Variants in LUZP2 observed in about 807,000 individuals in gnomAD.
The protein encoded by LUZP2 is leucine zipper protein 2.
Under a neutral mutation model 51.6 loss-of-function variants are expected in LUZP2, and 52 were observed. That is an observed-to-expected ratio of 1.01 (90% CI 0.81 to 1.27). The LOEUF is 1.27. Ranked by LOEUF, LUZP2 falls within the 50% of genes most tolerant of loss-of-function variation. The pLI is 0.00. For synonymous variants in LUZP2, 154 were observed against 137.3 expected (o/e 1.12, Z -0.85); for missense variants, 436 against 395.4 (o/e 1.10, Z -0.87).
At chr11:25,003,894 G>T (rs746876171) in intron 9 of LUZP2, among the ~76,000 whole-genome samples, 2 of 152,146 alleles carry the variant, frequency 1.3e-5, no homozygotes, top group Non-Finnish European at 2.9e-5. Context: ...AACAAGAAAG[G>T]CATGTGAAAA....
chr11:24,643,656 G>A (rs763659075), intron 1 of LUZP2, among the ~76,000 whole-genome samples: 6 of 151,968 alleles, frequency 3.9e-5, no homozygotes, highest in African/African-American at 1.2e-4. Flanking sequence ...AAATTATCCC[G>A]AACAACCCCA....
chr11:24,562,154 ACAGAGTAGGTAC>A (rs1327531490), intron 1 of LUZP2, among the ~76,000 whole-genome samples: 3 of 152,144 alleles, frequency 2.0e-5, no homozygotes, highest in Non-Finnish European at 4.4e-5. Context: ...ACACAGAGTA[ACAGAGTAGGTAC>A]CAGAAAAAAT....
intron 7 of LUZP2, among the ~76,000 whole-genome samples, chr11:24,963,909 C>G (rs1292929232): frequency 6.6e-6 from 1 of 152,156 alleles, no homozygotes; most frequent in Non-Finnish European, 1.5e-5. Context: ...GCCATCTTGG[C>G]TCCTCCCCTC....
chr11:25,068,092 A>T (rs771415532), intron 10 of LUZP2, among the ~76,000 whole-genome samples: 10 of 152,004 alleles, frequency 6.6e-5, no homozygotes, highest in Non-Finnish European at 1.5e-4. Flanking sequence ...ACATGTTCTC[A>T]CTCATAAGTG....
At chr11:25,046,893 G>C (rs1338747924) in intron 9 of LUZP2, among the ~76,000 whole-genome samples, 3 of 152,158 alleles carry the variant, frequency 2.0e-5, no homozygotes, top group African/African-American at 7.2e-5. Context: ...AATTGTGACT[G>C]TGTAAGATAT....
chr11:24,774,362 C>CTCTATATATA (rs776739280), intron 5 of LUZP2, among the ~76,000 whole-genome samples: 53 of 76,330 alleles, frequency 6.9e-4, no homozygotes, highest in African/African-American at 2.9e-3. Context: ...CTCTCTCTCT[C>CTCTATATATA]TATATATATA....
intron 9 of LUZP2, among the ~76,000 whole-genome samples, chr11:25,008,589 G>A (rs1354327127): frequency 1.3e-5 from 2 of 152,180 alleles, no homozygotes; most frequent in African/African-American, 4.8e-5. Context: ...TCAGCAAGTG[G>A]GAGGGAGGGT....
chr11:24,830,094 A>G (rs1295286526), intron 5 of LUZP2, among the ~76,000 whole-genome samples: 1 of 95,232 alleles, frequency 1.1e-5, no homozygotes, highest in Non-Finnish European at 2.2e-5. Flanking sequence ...TAATTGAAAT[A>G]CAAATTTTGT....
In LUZP2 at chr11:24,729,636, C is replaced by T. The variant is rs375352355; in HGVS notation, c.180+350C>T. 5.9e-5 allele frequency among the ~76,000 whole-genome samples: 9 copies of T among 151,858 alleles called. No individual in the cohort carries two copies. The East Asian group carries it at 1.2e-3, about 20-fold the overall frequency. On this transcript the variant is annotated intron_variant, in intron 2 of 11. Transcript: ENST00000336930. ...CTCCTAGAAGAGAATTTTAAATTCC[C>T]CACGGGATAATTCTTAAGATTCTTT...
chr11:24,822,435 G>A (rs1454773369), intron 5 of LUZP2, among the ~76,000 whole-genome samples: 2 of 152,120 alleles, frequency 1.3e-5, no homozygotes, highest in Non-Finnish European at 2.9e-5. Context: ...GTGTGTGGGT[G>A]TGGGTGTGTG....
intron 1 of LUZP2, among the ~76,000 whole-genome samples, chr11:24,517,418 G>T (rs1429262900): frequency 2.2e-5 from 3 of 136,656 alleles, no homozygotes; most frequent in Admixed American, 1.7e-4. Context: ...CCTGGGAGGC[G>T]GAGCTTGCAG....
intron 1 of LUZP2, among the ~76,000 whole-genome samples, chr11:24,663,172 T>C (rs949063817): frequency 6.6e-6 from 1 of 152,164 alleles, no homozygotes; most frequent in African/African-American, 2.4e-5. Flanking sequence ...CCTGCCAAAA[T>C]GTCATGTTAA....
At chr11:24,835,536 T>C (rs992867645) in intron 5 of LUZP2, among the ~76,000 whole-genome samples, 1 of 151,908 alleles carries the variant, frequency 6.6e-6, no homozygotes, top group Non-Finnish European at 1.5e-5. Flanking sequence ...TACAGAAAAG[T>C]TGGATTCTTT....
intron 5 of LUZP2, among the ~76,000 whole-genome samples, chr11:24,871,928 T>C (rs1380877864): frequency 6.6e-6 from 1 of 152,090 alleles, no homozygotes; most frequent in Non-Finnish European, 1.5e-5. Context: ...AGATTACCTT[T>C]CCAATTGTAA....
chr11:24,500,277 G>A (rs997870508), intron 1 of LUZP2, among the ~76,000 whole-genome samples: 15 of 152,062 alleles, frequency 9.9e-5, no homozygotes, highest in African/African-American at 3.6e-4. Context: ...TAATGTCCTG[G>A]CATATGGTCT....
Position 25,081,682 on chromosome 11 carries a change from A to T in LUZP2, c.*3024A>T, listed in dbSNP as rs1172379212. ...AACTAAATAAACAGACGTTGTTTTAAAGGAATTAACACTTAAATCCCAACC... is the reference window on the plus strand; with the variant it reads ...AACTAAATAAACAGACGTTGTTTTATAGGAATTAACACTTAAATCCCAACC... On this transcript the variant is annotated 3_prime_UTR_variant, in exon 12 of 12. Transcript: ENST00000336930. 6.6e-6 allele frequency: 1 copy of T among 152,178 alleles called. No individual in the cohort carries two copies. Among genetic ancestry groups the T allele is most frequent in the Non-Finnish European group, 1.5e-5 (1 of 68,022 alleles). The allele number at this position is 152,178 out of a possible 1,614,324, so 9.4% of individuals were successfully genotyped here. A position where few individuals can be genotyped will look rare whatever the true frequency, so the allele number is the denominator to read the frequency against.
chr11:24,584,644 G>A (rs1852995231), intron 1 of LUZP2, among the ~76,000 whole-genome samples: 1 of 152,084 alleles, frequency 6.6e-6, no homozygotes, highest in African/African-American at 2.4e-5. Flanking sequence ...GTAATTTACT[G>A]TGCTCTGGCA....
intron 1 of LUZP2, among the ~76,000 whole-genome samples, chr11:24,574,628 A>G (rs1024164048): frequency 5.9e-5 from 9 of 152,056 alleles, no homozygotes; most frequent in African/African-American, 2.2e-4. Flanking sequence ...AAAGACAGGC[A>G]TTTCTTGAGC....
intron 9 of LUZP2, among the ~76,000 whole-genome samples, chr11:25,024,639 A>T (rs1179367589): frequency 6.6e-6 from 1 of 152,010 alleles, no homozygotes; most frequent in African/African-American, 2.4e-5. Context: ...TGCTCAACGA[A>T]ATAAGAGGAC....
Sources: allele counts gnomAD v4.1 joint callset (sites outside exome capture counted in the v4.1 genomes callset), GRCh38; gene constraint gnomAD v4.1.1; transcripts MANE v1.5; gene names NCBI Gene and HGNC (gene_info 2026-07-23, HGNC 2026-07-21).